The following SLC47A1 variants were observed in gnomAD, a reference collection of about 807,000 sequenced individuals.
SLC47A1 encodes multidrug and toxin extrusion protein 1.
A neutral mutation model predicts 65.8 loss-of-function variants in SLC47A1; 58 were observed. That is an observed-to-expected ratio of 0.88 (90% CI 0.71 to 1.10). The LOEUF is 1.10. SLC47A1 is among the 50% of genes least tolerant of loss of function. SLC47A1 has a pLI of 0.00. For missense variants in SLC47A1, 706 were observed against 719.2 expected, an observed-to-expected ratio of 0.98 and a Z score of 0.21; for synonymous variants, 285 against 295.0, an observed-to-expected ratio of 0.97 and a Z score of 0.35.
intron 12 of SLC47A1, among the ~76,000 whole-genome samples, chr17:19,562,170 G>C (rs187310410): frequency 6.6e-6 from 1 of 152,270 alleles, no homozygotes; most frequent in South Asian, 2.1e-4. Context: ...CTGGTGGAGC[G>C]GACAGAACTA....
At chr17:19,560,662 T>C (rs1461210580) in intron 12 of SLC47A1, 169 bp downstream of exon 12, 4 of 682,728 alleles carry the variant, frequency 5.9e-6, no homozygotes, top group Non-Finnish European at 1.0e-5. Context: ...TGGGATCACC[T>C]GAGGTCAGGA....
chr17:19,546,372 A>G lies in SLC47A1; in HGVS notation c.238-63A>G, dbSNP rs986642911. 9.2e-6 allele frequency: 14 copies of G among 1,524,046 alleles called. No homozygotes were observed. The Admixed American group carries it at 1.4e-4, about 15-fold the overall frequency. 94.4% of individuals were successfully genotyped at this position (1,524,046 alleles called of 1,614,324 possible). A position where few individuals can be genotyped will look rare whatever the true frequency, so the allele number is the denominator to read the frequency against. ...TTTGCAGGCTCTTATCAATACACAC[A>G]GGGATTTTGTCTTCCTTTCCTCCTT... On this transcript the variant is annotated intron_variant, in intron 2 of 16. Coordinates refer to ENST00000270570, the MANE Select transcript of SLC47A1 (RefSeq NM_018242.3).
In SLC47A1 at chr17:19,534,072, G is replaced by C; in HGVS notation, c.133G>C (p.Ala45Pro). Residue 45 changes from alanine (A) to proline (P), a missense_variant and splice_region_variant, in exon 1 of 17, where the codon GCG becomes CCG. Ala to Pro is a conservative substitution (Grantham distance 27, BLOSUM62 -1). Coordinates refer to ENST00000270570, the MANE Select transcript of SLC47A1 (RefSeq NM_018242.3). Reference sequence around the variant, plus strand: ...GGCGCTCTTGGTCCTGGCTGGCCCCGCGGTGAGTAAGGTGGCCTCAGTGGC... The same window carrying C: ...GGCGCTCTTGGTCCTGGCTGGCCCCCCGGTGAGTAAGGTGGCCTCAGTGGC... ...LRALLVLAGPAFLVQLMVFLI... is the reference protein window; with the variant it reads ...LRALLVLAGPPFLVQLMVFLI... 6.5e-7 allele frequency: 1 copy of C among 1,538,536 alleles called. No individual in the cohort carries two copies. Among genetic ancestry groups the C allele is most frequent in the Non-Finnish European group, 8.8e-7 (1 of 1,142,794 alleles).
At chr17:19,538,236 C>T (rs1916047783) in intron 1 of SLC47A1, among the ~76,000 whole-genome samples, 1 of 152,228 alleles carries the variant, frequency 6.6e-6, no homozygotes, top group South Asian at 2.1e-4. Context: ...TCCCCAGAAG[C>T]AGGAGGCACA....
rs753490259 is a variant in SLC47A1, at chr17:19,567,099, A to C, written c.1180A>C (p.Thr394Pro). ...VSHLFEALAC[T>P]SGGVLRGSGN... The stretch of plus-strand genomic sequence containing the variant: ...ATGGAATGCTCTCTGCCTGCAGTGC[A>C]CGAGTGGTGGTGTTCTGAGGGGGAG... Residue 394 changes from threonine (T) to proline (P), a missense_variant, in exon 14 of 17, where the codon ACG becomes CCG. Physicochemically the swap from Thr to Pro is conservative, Grantham distance 38 (BLOSUM62 -1). Transcript: ENST00000270570. 4 of 1,614,192 alleles carry C rather than the reference A, an allele frequency of 2.5e-6. No homozygotes were observed. Among genetic ancestry groups the C allele is most frequent in the Non-Finnish European group, 3.4e-6 (4 of 1,180,012 alleles).
At chr17:19,566,076 A>G (rs542593332) in intron 12 of SLC47A1, among the ~76,000 whole-genome samples, 81 of 152,334 alleles carry the variant, frequency 5.3e-4, no homozygotes, top group Non-Finnish European at 9.1e-4. Context: ...TCACAGTGCT[A>G]GTAATCCCAA....
chr17:19,560,100 C>A (rs922473685), intron 10 of SLC47A1, 88 bp from the exon 11 acceptor site: 1 of 920,544 alleles, frequency 1.1e-6, no homozygotes, highest in Non-Finnish European at 1.7e-6. Context: ...AGTTTTCCCA[C>A]CAGGTGTGAG....
chr17:19,559,994 A>G (rs906683889), intron 10 of SLC47A1, 194 bp from the exon 11 acceptor site: 11 of 565,072 alleles, frequency 1.9e-5, no homozygotes, highest in Admixed American at 1.3e-4. Context: ...TGTGCTAAGC[A>G]TCGTAACCTG....
Position 19,549,678 on chromosome 17 carries a change from G to A in SLC47A1, c.498+1G>A, listed in dbSNP as rs752286179. The stretch of plus-strand genomic sequence containing the variant: ...CACGATCTTCATTCCAGCTCTTCCT[G>A]TAAGTGCTCAAGGGCTAAGAGATTC... On this transcript the variant is annotated splice_donor_variant, in intron 5 of 16. Coordinates refer to ENST00000270570, the MANE Select transcript of SLC47A1 (RefSeq NM_018242.3). LOFTEE classifies it high-confidence loss of function. 5.0e-6 allele frequency: 8 copies of A among 1,614,042 alleles called. No individual in the cohort carries two copies. The highest frequency in any genetic ancestry group is 6.8e-6 in the Non-Finnish European group (8 of 1,180,028).
intron 12 of SLC47A1, among the ~76,000 whole-genome samples, chr17:19,563,784 C>A (rs1019670095): frequency 1.4e-5 from 2 of 147,778 alleles, no homozygotes; most frequent in Admixed American, 1.4e-4. Context: ...GTCAGGAGAT[C>A]GAGACCATCC....
intron 5 of SLC47A1, among the ~76,000 whole-genome samples, chr17:19,551,078 T>G (rs1167681506): frequency 6.6e-6 from 1 of 152,186 alleles, no homozygotes; most frequent in Non-Finnish European, 1.5e-5. Flanking sequence ...TTCCACCACA[T>G]AGGACCAGTC....
At chr17:19,544,249 T>A (rs2152312768) in intron 2 of SLC47A1, among the ~76,000 whole-genome samples, 1 of 152,342 alleles carries the variant, frequency 6.6e-6, no homozygotes, top group South Asian at 2.1e-4. Flanking sequence ...CAGCATGGCT[T>A]ATTTTATTTT....
chr17:19,560,142 C>A, intron 10 of SLC47A1, 46 bp from the exon 11 acceptor site: 2 of 1,411,846 alleles, frequency 1.4e-6, no homozygotes, highest in Non-Finnish European at 2.0e-6. Context: ...CGTGTTCTCG[C>A]TCTGCAGTTT....
intron 4 of SLC47A1, among the ~76,000 whole-genome samples, chr17:19,548,538 C>A (rs1446490036): frequency 6.6e-6 from 1 of 150,796 alleles, no homozygotes; most frequent in Non-Finnish European, 1.5e-5. Context: ...CTCACTCCGT[C>A]CCCCAGACTG....
At chr17:19,568,377 C>T (rs1457220117) in intron 14 of SLC47A1, among the ~76,000 whole-genome samples, 2 of 152,098 alleles carry the variant, frequency 1.3e-5, no homozygotes, top group African/African-American at 4.8e-5. Flanking sequence ...TTGGATTTGC[C>T]AATTGCCTAG....
chr17:19,558,450 T>G (rs1250418809), intron 10 of SLC47A1, among the ~76,000 whole-genome samples: 1 of 151,140 alleles, frequency 6.6e-6, no homozygotes, highest in African/African-American at 2.4e-5. Flanking sequence ...TACTTGTTGG[T>G]GGTTGTTTTT....
At chr17:19,554,645 G>T (rs61571884) in intron 6 of SLC47A1, among the ~76,000 whole-genome samples, 1 of 152,290 alleles carries the variant, frequency 6.6e-6, no homozygotes, top group East Asian at 1.9e-4. Flanking sequence ...ATGCGGGGCA[G>T]GACAGAGTTT....
chr17:19,551,747 G>A (rs1451182259), intron 6 of SLC47A1, among the ~76,000 whole-genome samples: 1 of 152,246 alleles, frequency 6.6e-6, no homozygotes, highest in African/African-American at 2.4e-5. Context: ...TGGGCTCAGA[G>A]CCGCAGTGTT....
chr17:19,560,304 GA>G lies in SLC47A1; in HGVS notation c.1030+9del. On this transcript the variant is annotated intron_variant, in intron 11 of 16. Transcript: ENST00000270570. ...TTTCCCTGCTGATTACAGGTGCTGAGACCCCTTTACCCGAGGCTCTTGGTGC... is the reference window on the plus strand; with the variant it reads ...TTTCCCTGCTGATTACAGGTGCTGAGCCCCTTTACCCGAGGCTCTTGGTGC... The G allele has an allele frequency of 6.2e-7, 1 of 1,612,310 alleles. No homozygotes were observed. Among genetic ancestry groups the G allele is most frequent in the Non-Finnish European group, 8.5e-7 (1 of 1,178,510 alleles).
Sources: gnomAD v4.1 joint callset for allele counts (sites outside exome capture counted in the v4.1 genomes callset) on GRCh38, gnomAD v4.1.1 for gene constraint, MANE v1.5 for transcripts, NCBI Gene and HGNC (gene_info 2026-07-23, HGNC 2026-07-21) for gene names.